The following GDF6 variants were observed in gnomAD, a reference collection of about 807,000 sequenced individuals.
The protein encoded by GDF6 is growth/differentiation factor 6.
GDF6 carries 3 observed loss-of-function variants against 32.4 expected under a neutral mutation model. The observed-to-expected ratio is 0.09, with a 90% CI of 0.04 to 0.24. GDF6 has a LOEUF of 0.24. Among genes scored for constraint, GDF6 ranks in the 10% least tolerant of loss-of-function variants. The pLI, the probability that GDF6 is intolerant of heterozygous loss-of-function variation, is 1.00. For missense variants in GDF6, 589 were observed against 637.9 expected, an observed-to-expected ratio of 0.92 and a Z score of 0.83; for synonymous variants, 296 against 295.3, an observed-to-expected ratio of 1.00 and a Z score of -0.03.
chr8:96,147,104 C>G (rs1812497927), intron 1 of GDF6, among the ~76,000 whole-genome samples: 1 of 152,166 alleles, frequency 6.6e-6, no homozygotes, highest in African/African-American at 2.4e-5. Flanking sequence ...GTCACTGGGC[C>G]CAGCATCCAA....
chr8:96,156,265 C>A (rs1463594077), intron 1 of GDF6, among the ~76,000 whole-genome samples: 1 of 152,194 alleles, frequency 6.6e-6, no homozygotes, highest in East Asian at 1.9e-4. Flanking sequence ...AGACTCATTT[C>A]GGTTCTCTCA....
chr8:96,154,063 C>A (rs923491734), intron 1 of GDF6, among the ~76,000 whole-genome samples: 1 of 152,100 alleles, frequency 6.6e-6, no homozygotes, highest in East Asian at 1.9e-4. Context: ...GCAAAGCAGG[C>A]GCACCGATTC....
chr8:96,152,848 C>A (rs1217623490), intron 1 of GDF6, among the ~76,000 whole-genome samples: 1 of 152,198 alleles, frequency 6.6e-6, no homozygotes, highest in African/African-American at 2.4e-5. Flanking sequence ...GACCCAGGCC[C>A]TTCTCTTCCT....
At chr8:96,149,239 TC>T (rs1388747026) in intron 1 of GDF6, among the ~76,000 whole-genome samples, 1 of 152,230 alleles carries the variant, frequency 6.6e-6, no homozygotes, top group Admixed American at 6.5e-5. Flanking sequence ...TGGAAGTGAA[TC>T]CTATGCTTTG....
chr8:96,159,318 T>A (rs1449308321), intron 1 of GDF6, among the ~76,000 whole-genome samples: 2 of 152,200 alleles, frequency 1.3e-5, no homozygotes, highest in African/African-American at 4.8e-5. Context: ...CTGTGGATCC[T>A]TCCCTGATTT....
In GDF6 at chr8:96,143,649, TCCAGC is replaced by T. The variant is rs1812408913; in HGVS notation, c.*909_*913del. On this transcript the variant is annotated 3_prime_UTR_variant, in exon 2 of 2. Coordinates refer to ENST00000287020, the MANE Select transcript of GDF6 (RefSeq NM_001001557.4). ...AGAAAGGGCATTTGGGTGGGCTACCTCCAGCCTGGGCTAATGCACCTCCGTGTCAG... is the reference window on the plus strand; with the variant it reads ...AGAAAGGGCATTTGGGTGGGCTACCTCTGGGCTAATGCACCTCCGTGTCAG... 6.5e-6 allele frequency: 1 copy of T among 152,704 alleles called. No homozygotes were observed. Among genetic ancestry groups the T allele is most frequent in the Non-Finnish European group, 1.5e-5 (1 of 68,072 alleles). 9.5% of individuals were successfully genotyped at this position (152,704 alleles called of 1,614,324 possible).
At chr8:96,150,931 C>T (rs1812558464) in intron 1 of GDF6, among the ~76,000 whole-genome samples, 1 of 152,242 alleles carries the variant, frequency 6.6e-6, no homozygotes, top group African/African-American at 2.4e-5. Flanking sequence ...AGTCTCTCAC[C>T]TTCCGCGCTG....
At position 96,153,934 on chromosome 8, in the gene GDF6, G is replaced by A. The variant is rs528482782; in HGVS notation, c.406+6353C>T. 3.3e-5 allele frequency among the ~76,000 whole-genome samples: 5 copies of A among 152,300 alleles called. No homozygotes were observed. In the South Asian group the frequency reaches 1.0e-3, roughly 32 times the overall value. On this transcript the variant is annotated intron_variant, in intron 1 of 1. Transcript: ENST00000287020. ...CTGACTTTCGAAACAATTTAGCAAA[G>A]TGAGATTCGTGGGCCCTAGTCTATT...
chr8:96,160,799 C>A lies in GDF6; in HGVS notation c.-107G>T. On this transcript the variant is annotated 5_prime_UTR_variant, in exon 1 of 2. Transcript: ENST00000287020. The stretch of plus-strand genomic sequence containing the variant: ...CGGGGCCCGGCTCCTCGGGCGGACT[C>A]GGAGTGCGAGGAGCCGGGTCCCAGC... 9.2e-7 allele frequency: 1 copy of A among 1,090,112 alleles called. No individual in the cohort carries two copies. Among genetic ancestry groups the A allele is most frequent in the African/African-American group, 1.7e-5 (1 of 60,332 alleles). 67.5% of individuals were successfully genotyped at this position (1,090,112 alleles called of 1,614,324 possible). A position where few individuals can be genotyped will look rare whatever the true frequency, so the allele number is the denominator to read the frequency against.
chr8:96,156,406 TTCC>T (rs1378495451), intron 1 of GDF6, among the ~76,000 whole-genome samples: 2 of 85,054 alleles, frequency 2.4e-5, no homozygotes, highest in African/African-American at 4.5e-5. Context: ...CTCTCTCTCT[TTCC>T]CTCTCTCTCT....
At position 96,151,822 on chromosome 8, in the gene GDF6, G is replaced by C. The variant is rs186366931; in HGVS notation, c.407-6298C>G. Among the ~76,000 whole-genome samples, 636 of 152,328 alleles carry C rather than the reference G, an allele frequency of 4.2e-3. 7 individuals are homozygous for C. The highest frequency in any genetic ancestry group is 0.014 in the African/African-American group (594 of 41,574). On this transcript the variant is annotated intron_variant, in intron 1 of 1. Coordinates refer to ENST00000287020, the MANE Select transcript of GDF6 (RefSeq NM_001001557.4). The stretch of plus-strand genomic sequence containing the variant: ...TTGAGTCCTGATCTGTGACTTAGTG[G>C]CTGGGTGACCTTGGTTAGACTGGGT...
At position 96,144,244 on chromosome 8, in the gene GDF6, T is replaced by TATAGAG. The variant is rs1554571162; in HGVS notation, c.*318_*319insCTCTAT. 1 of 217,270 alleles carries TATAGAG rather than the reference T, an allele frequency of 4.6e-6. No homozygotes were observed. The highest frequency in any genetic ancestry group is 7.3e-5 in the Admixed American group (1 of 13,666). 13.5% of individuals were successfully genotyped at this position (217,270 alleles called of 1,614,324 possible). On this transcript the variant is annotated 3_prime_UTR_variant, in exon 2 of 2. Coordinates refer to ENST00000287020, the MANE Select transcript of GDF6 (RefSeq NM_001001557.4). This position sits in a 1 kb window ranked among gnomAD's most constrained non-coding sequence, Gnocchi z 5.1. ...ATAAGGAAATCCAAAGCCACAGTAATAGAGAGAGAGAGAGAGAGAGAGAGA... is the reference window on the plus strand; with the variant it reads ...ATAAGGAAATCCAAAGCCACAGTAATATAGAGAGAGAGAGAGAGAGAGAGAGAGAGA...
intron 1 of GDF6, among the ~76,000 whole-genome samples, chr8:96,156,746 G>GA (rs1307893572): frequency 6.6e-6 from 1 of 152,156 alleles, no homozygotes; most frequent in African/African-American, 2.4e-5. Flanking sequence ...AGAACAGGAG[G>GA]AAGCAAAGCA....
intron 1 of GDF6, among the ~76,000 whole-genome samples, chr8:96,151,234 T>C (rs931499515): frequency 6.6e-6 from 1 of 152,202 alleles, no homozygotes; most frequent in African/African-American, 2.4e-5. Flanking sequence ...CTTTCCAGGG[T>C]GCTTTTTCTT....
chr8:96,146,520 A>G (rs1008219286), intron 1 of GDF6, among the ~76,000 whole-genome samples: 31 of 152,210 alleles, frequency 2.0e-4, no homozygotes, highest in African/African-American at 7.5e-4. Context: ...CAAACAAAAG[A>G]GCAATGAAGT....
chr8:96,160,220 G>C (rs1812736626), intron 1 of GDF6, 67 bp downstream of exon 1: 2 of 1,507,274 alleles, frequency 1.3e-6, no homozygotes, highest in African/African-American at 2.7e-5. Context: ...GTAGCCTCCA[G>C]CGGGAACAGC....
Position 96,160,478 on chromosome 8 carries a change from T to C in GDF6, c.215A>G (p.Gln72Arg), listed in dbSNP as rs543473222. 6.2e-6 allele frequency: 10 copies of C among 1,612,830 alleles called. No homozygotes were observed. In the East Asian group the frequency reaches 1.8e-4, roughly 29 times the overall value. ...REGQEPQPRP[Q>R]DEPRAQQPRA... ...GGGCTGCTGAGCCCGGGGTTCGTCC[T>C]GAGGCCGCGGCTGTGGTTCCTGGCC... Residue 72 changes from glutamine to arginine, a missense_variant, in exon 1 of 2, where the codon CAG becomes CGG. Gln to Arg is a conservative substitution (Grantham distance 43, BLOSUM62 1). Around this residue, in one of 2 missense-constraint regions of GDF6, gnomAD observed 436 missense variants for 411.2 expected, o/e 1.06. Transcript: ENST00000287020.
Position 96,160,781 on chromosome 8 carries a change from C to T in GDF6, c.-89G>A, listed in dbSNP as rs921660513. ...GAGCGGCTGGACAGCGGCCGGGGCC[C>T]GGCTCCTCGGGCGGACTCGGAGTGC... On this transcript the variant is annotated 5_prime_UTR_variant, in exon 1 of 2. Transcript: ENST00000287020. 24 of 1,352,226 alleles carry T rather than the reference C, an allele frequency of 1.8e-5. No individual in the cohort carries two copies. The highest frequency in any genetic ancestry group is 2.5e-5 in the East Asian group (1 of 39,568). 83.8% of individuals were successfully genotyped at this position (1,352,226 alleles called of 1,614,324 possible). A position where few individuals can be genotyped will look rare whatever the true frequency, so the allele number is the denominator to read the frequency against.
At chr8:96,149,885 G>A (rs117547527) in intron 1 of GDF6, among the ~76,000 whole-genome samples, 3 of 152,280 alleles carry the variant, frequency 2.0e-5, no homozygotes, top group Admixed American at 6.5e-5. Flanking sequence ...CAAGAGGGCG[G>A]CATGAGGGAG....
Sources: allele counts gnomAD v4.1 joint callset (sites outside exome capture counted in the v4.1 genomes callset), GRCh38; gene constraint gnomAD v4.1.1; regional missense constraint gnomAD v4.1.1; non-coding constraint Gnocchi (gnomAD v3.1); transcripts MANE v1.5; gene names NCBI Gene and HGNC (gene_info 2026-07-23, HGNC 2026-07-21).